Variants in ZNF679 observed in about 807,000 individuals in gnomAD.
The protein encoded by ZNF679 is hypothetical protein MGC42415.
In ZNF679, 10 loss-of-function variants were observed where a neutral mutation model predicts 13.4. That is an observed-to-expected ratio of 0.75 (90% CI 0.46 to 1.27). ZNF679 has a LOEUF of 1.27. Among genes scored for constraint, ZNF679 ranks in the 50% most tolerant of loss-of-function variants. The pLI is 0.00. For synonymous variants in ZNF679, 179 were observed against 162.5 expected, an observed-to-expected ratio of 1.10 and a Z score of -0.77; for missense variants, 525 against 477.8, an observed-to-expected ratio of 1.10 and a Z score of -0.92.
rs1307551997 is a variant in ZNF679 at position 64,265,515 on chromosome 7, A to G, written c.263-381A>G. On this transcript the variant is annotated intron_variant, in intron 4 of 4. Coordinates refer to ENST00000421025, the MANE Select transcript of ZNF679 (RefSeq NM_153363.3). The stretch of plus-strand genomic sequence containing the variant: ...CATGGAAGACAGAAAGGCCTCCATA[A>G]GCCAAAAATAAAGATATAGGTGCCA... Among the ~76,000 whole-genome samples the G allele has an allele frequency of 2.6e-5, 4 of 152,176 alleles. No homozygotes were observed. The East Asian group carries it at 7.7e-4, about 29-fold the overall frequency.
At chr7:64,230,351 G>C (rs1007368728) in intron 1 of ZNF679, among the ~76,000 whole-genome samples, 1 of 151,726 alleles carries the variant, frequency 6.6e-6, no homozygotes, top group African/African-American at 2.4e-5. Flanking sequence ...GGCTAACAAG[G>C]TGAAACCCCG....
chr7:64,260,933 A>C lies in ZNF679; in HGVS notation c.262+4A>C. The C allele has an allele frequency of 6.2e-7, 1 of 1,608,588 alleles. No individual in the cohort carries two copies. Among genetic ancestry groups the C allele is most frequent in the Non-Finnish European group, 8.5e-7 (1 of 1,178,098 alleles). On this transcript the variant is annotated splice_donor_region_variant and intron_variant, in intron 4 of 4. Transcript: ENST00000421025. ...GAGATGGTAACCAAACACCCAGGTAAGTGAGAGTGGATGAAGCGGATGACA... is the reference window on the plus strand; with the variant it reads ...GAGATGGTAACCAAACACCCAGGTACGTGAGAGTGGATGAAGCGGATGACA...
At chr7:64,252,322 A>G (rs1007476704) in intron 2 of ZNF679, among the ~76,000 whole-genome samples, 2 of 152,182 alleles carry the variant, frequency 1.3e-5, no homozygotes, top group East Asian at 3.8e-4. Context: ...GTTAACTGTA[A>G]ATTGCATTTT....
intron 1 of ZNF679, among the ~76,000 whole-genome samples, chr7:64,230,385 T>A (rs1787620244): frequency 6.7e-6 from 1 of 149,792 alleles, no homozygotes; most frequent in South Asian, 2.1e-4. Context: ...TACAAAAAAT[T>A]AGCCGGGCGC....
chr7:64,255,234 C>A (rs75120535), intron 2 of ZNF679, among the ~76,000 whole-genome samples: 4,974 of 152,126 alleles, frequency 0.033, 180 homozygotes, highest in East Asian at 0.18. Flanking sequence ...ATTCTGATAA[C>A]AGACCTCCTT....
chr7:64,260,906 A>C lies in ZNF679; in HGVS notation c.239A>C (p.Asn80Thr). The change falls in exon 4 of 5, where the codon AAT becomes ACT. Residue 80 changes from asparagine (N) to threonine (T), a missense_variant. Transcript: ENST00000421025. The part of the protein sequence containing the change: ...QNKEPWNIKR[N>T]EMVTKHPVMC... ...AAAGAGCCTTGGAATATAAAGAGAA[A>C]TGAGATGGTAACCAAACACCCAGGT... The C allele has an allele frequency of 6.2e-7, 1 of 1,611,884 alleles. No homozygotes were observed. The highest frequency in any genetic ancestry group is 1.7e-5 in the Admixed American group (1 of 59,690).
chr7:64,243,650 C>G (rs1380452429), intron 1 of ZNF679, among the ~76,000 whole-genome samples: 1 of 152,198 alleles, frequency 6.6e-6, no homozygotes, highest in African/African-American at 2.4e-5. Flanking sequence ...GTCCCAATAC[C>G]CCAGGAGGGC....
At chr7:64,265,770 A>G (rs1788135205) in intron 4 of ZNF679, 126 bp from the exon 5 acceptor site, 7 of 1,038,478 alleles carry the variant, frequency 6.7e-6, no homozygotes, top group Middle Eastern at 2.6e-4. Flanking sequence ...TGAAGGAATT[A>G]TGGCCTGTGG....
At chr7:64,234,091 G>T (rs1787677072) in intron 1 of ZNF679, among the ~76,000 whole-genome samples, 1 of 151,498 alleles carries the variant, frequency 6.6e-6, no homozygotes, top group South Asian at 2.1e-4. Flanking sequence ...TTCAAGAATA[G>T]AACAGGGCTG....
Position 64,260,880 on chromosome 7 carries a change from T to A in ZNF679, c.213T>A (p.Asn71Lys). 3 of 1,611,870 alleles carry A rather than the reference T, an allele frequency of 1.9e-6. No homozygotes were observed. Among genetic ancestry groups the A allele is most frequent in the Non-Finnish European group, 2.5e-6 (3 of 1,179,462 alleles). The change falls in exon 4 of 5, where the codon AAT becomes AAA. Residue 71 changes from asparagine (N) to lysine (K), a missense_variant. Physicochemically the swap from Asn to Lys is moderately conservative, Grantham distance 94. Transcript: ENST00000421025. Reference protein sequence around the residue: ...KPDLITCLEQNKEPWNIKRNE... With the variant: ...KPDLITCLEQKKEPWNIKRNE... ...ACTTGATCACCTGTCTGGAGCAAAA[T>A]AAAGAGCCTTGGAATATAAAGAGAA...
chr7:64,241,101 A>C (rs1368442391), intron 1 of ZNF679, among the ~76,000 whole-genome samples: 1 of 152,170 alleles, frequency 6.6e-6, no homozygotes, highest in Admixed American at 6.5e-5. Flanking sequence ...TGCATACAAC[A>C]GCCACAATTT....
At chr7:64,254,666 C>T (rs1034858405) in intron 2 of ZNF679, among the ~76,000 whole-genome samples, 9 of 151,854 alleles carry the variant, frequency 5.9e-5, no homozygotes, top group African/African-American at 2.2e-4. Flanking sequence ...TAGATGAGTC[C>T]CCGGGATTTG....
chr7:64,266,169 C>G lies in ZNF679; in HGVS notation c.536C>G (p.Thr179Ser). 2 of 1,598,872 alleles carry G rather than the reference C, an allele frequency of 1.3e-6. No homozygotes were observed. Among genetic ancestry groups the G allele is most frequent in the Non-Finnish European group, 1.7e-6 (2 of 1,171,132 alleles). The change falls in exon 5 of 5, where the codon ACT becomes AGT. Residue 179 changes from threonine to serine, a missense_variant. Physicochemically the swap from Thr to Ser is moderately conservative, Grantham distance 58. Transcript: ENST00000421025. ...TCCAATAGACATAAGACAAGACATA[C>G]TGGAAAGAAACATTTCAAATGTAAA... ...SNSNRHKTRH[T>S]GKKHFKCKKY...
chr7:64,253,364 T>C (rs2115572056), intron 2 of ZNF679, among the ~76,000 whole-genome samples: 1 of 152,276 alleles, frequency 6.6e-6, no homozygotes, highest in African/African-American at 2.4e-5. Flanking sequence ...AGGAGGTTAA[T>C]GAAGGCCTAG....
rs4717180 is a variant in ZNF679, at chr7:64,233,364, C to T, written c.-91+4712C>T. 1.7e-3 allele frequency among the ~76,000 whole-genome samples: 252 copies of T among 151,854 alleles called. 4 individuals carry two copies. The East Asian group carries it at 0.024, about 14-fold the overall frequency. On this transcript the variant is annotated intron_variant, in intron 1 of 4. Transcript: ENST00000421025. ...AAATTAAGCTGGGCATGGAGGCGTG[C>T]TCTTGTAGTCCTAGCTATTGGGAGG... is the stretch of plus-strand genomic sequence containing the variant.
intron 2 of ZNF679, among the ~76,000 whole-genome samples, chr7:64,257,469 T>G (rs559471901): frequency 6.6e-6 from 1 of 152,082 alleles, no homozygotes; most frequent in Non-Finnish European, 1.5e-5. Context: ...TAGGAATAAA[T>G]AAAAATGCTG....
At chr7:64,251,862 A>G (rs1210150151) in intron 2 of ZNF679, among the ~76,000 whole-genome samples, 2 of 152,210 alleles carry the variant, frequency 1.3e-5, no homozygotes, top group East Asian at 1.9e-4. Flanking sequence ...GCAATCTCCT[A>G]GTATACTTTT....
intron 4 of ZNF679, among the ~76,000 whole-genome samples, chr7:64,264,379 A>G (rs1017954834): frequency 2.6e-5 from 4 of 152,184 alleles, no homozygotes; most frequent in African/African-American, 9.6e-5. Flanking sequence ...TATCTTTGAA[A>G]TTTTAAAGAA....
At chr7:64,259,439 C>A (rs1788046322) in intron 2 of ZNF679, among the ~76,000 whole-genome samples, 1 of 152,074 alleles carries the variant, frequency 6.6e-6, no homozygotes, top group African/African-American at 2.4e-5. Context: ...TCTATTAGTT[C>A]CATGCAGAAC....
Sources: allele counts gnomAD v4.1 joint callset (sites outside exome capture counted in the v4.1 genomes callset), GRCh38; gene constraint gnomAD v4.1.1; transcripts MANE v1.5; gene names NCBI Gene and HGNC (gene_info 2026-07-23, HGNC 2026-07-21).